RNASET2: variants seen among roughly 807,000 people sequenced by gnomAD.
RNASET2 encodes ribonuclease 6.
RNASET2 carries 28 observed loss-of-function variants against 33.9 expected under a neutral mutation model. The observed-to-expected ratio is 0.83, with a 90% CI of 0.61 to 1.13. The LOEUF (loss-of-function observed/expected upper bound fraction) is 1.13, where lower values mean the gene tolerates loss of function less well. RNASET2 is among the 50% of genes most tolerant of loss of function. The pLI, the probability that RNASET2 is intolerant of heterozygous loss-of-function variation, is 0.00. For missense variants in RNASET2, 330 were observed against 319.9 expected (o/e 1.03, Z -0.24); for synonymous variants, 123 against 121.0 (o/e 1.02, Z -0.11).
rs537395639 is a variant in RNASET2, at chr6:166,946,676, C to CAAT, written c.261+3_261+5dup. 3.6e-3 allele frequency: 5,278 copies of CAAT among 1,473,642 alleles called. 22 individuals carry two copies. Among genetic ancestry groups the CAAT allele is most frequent in the South Asian group, 7.8e-3 (660 of 85,018 alleles). The allele number at this position is 1,473,642 out of a possible 1,614,324, so 91.3% of individuals were successfully genotyped here. A position where few individuals can be genotyped will look rare whatever the true frequency, so the allele number is the denominator to read the frequency against. On this transcript the variant is annotated splice_donor_region_variant and intron_variant, in intron 4 of 8. Transcript: ENST00000508775. Reference sequence around the variant, plus strand: ...CTGCAGTAGAAATATAATTAAAAGTCAATACCTTAATCTCTTCTAAATTGA... The same window carrying CAAT: ...CTGCAGTAGAAATATAATTAAAAGTCAATAATACCTTAATCTCTTCTAAATTGA...
intron 5 of RNASET2, 108 bp from the exon 6 acceptor site, chr6:166,939,116 C>A (rs1778639262): frequency 2.5e-6 from 2 of 810,022 alleles, no homozygotes; most frequent in Admixed American, 1.8e-5. Flanking sequence ...GGTGGATCAC[C>A]TGAGATCAGG....
At chr6:166,947,346 C>CAAGA (rs1778873126) in intron 3 of RNASET2, among the ~76,000 whole-genome samples, 1 of 152,188 alleles carries the variant, frequency 6.6e-6, no homozygotes, top group South Asian at 2.1e-4. Context: ...TCAACTCTGA[C>CAAGA]TCTTGAGTGC....
rs750548880 is a variant in RNASET2, at chr6:166,922,996, G to C, written c.*6592C>G. On this transcript the variant is annotated 3_prime_UTR_variant, in exon 9 of 9. Transcript: ENST00000508775. ...TAATTCTTGCTCCCTCAAATAAAGG[G>C]AATGTAAATGCATAAGAATGCACAG... Among the ~76,000 whole-genome samples, 26 of 152,230 alleles carry C rather than the reference G, an allele frequency of 1.7e-4. No homozygotes were observed. Among genetic ancestry groups the C allele is most frequent in the Non-Finnish European group, 3.4e-4 (23 of 68,042 alleles).
chr6:166,955,057 G>A lies in RNASET2; in HGVS notation c.86+1040C>T, dbSNP rs182555845. On this transcript the variant is annotated intron_variant, in intron 1 of 8. Coordinates refer to ENST00000508775, the MANE Select transcript of RNASET2 (RefSeq NM_003730.6). ...TGTAAGTAAGAAATCCTATTAACCC[G>A]ATCATTACCCAAATAGAAAGAAATA... 1.2e-3 allele frequency among the ~76,000 whole-genome samples: 182 copies of A among 151,694 alleles called. 1 individual carries two copies. Among genetic ancestry groups the A allele is most frequent in the East Asian group, 5.2e-3 (27 of 5,186 alleles).
Position 166,922,879 on chromosome 6 carries a change from G to A in RNASET2, c.*6709C>T, listed in dbSNP as rs1001296214. On this transcript the variant is annotated 3_prime_UTR_variant, in exon 9 of 9. Transcript: ENST00000508775. The stretch of plus-strand genomic sequence containing the variant: ...GGTACCAACCACCAAAGCTGTACAC[G>A]CCAGGTTCAATGTCTTTGCTGGTAA... Among the ~76,000 whole-genome samples, 5 of 152,200 alleles carry A rather than the reference G, an allele frequency of 3.3e-5. No homozygotes were observed. The highest frequency in any genetic ancestry group is 7.3e-5 in the Non-Finnish European group (5 of 68,038).
rs1243891722 is a variant in RNASET2, at chr6:166,926,875, C to A, written c.*2713G>T. Among the ~76,000 whole-genome samples the A allele has an allele frequency of 6.6e-6, 1 of 152,254 alleles. No individual in the cohort carries two copies. The highest frequency in any genetic ancestry group is 2.4e-5 in the African/African-American group (1 of 41,466). ...CATGGTGCCGCAGAGATGCTCCAGG[C>A]AGACGCCTGCTCTGGCTGAGACCCG... is the stretch of plus-strand genomic sequence containing the variant. On this transcript the variant is annotated 3_prime_UTR_variant, in exon 9 of 9. Coordinates refer to ENST00000508775, the MANE Select transcript of RNASET2 (RefSeq NM_003730.6).
In RNASET2 at chr6:166,956,117, G is replaced by T. The variant is rs1779159283; in HGVS notation, c.66C>A (p.Gly22=). The T allele has an allele frequency of 6.4e-7, 1 of 1,552,272 alleles. No individual in the cohort carries two copies. Among genetic ancestry groups the T allele is most frequent in the Non-Finnish European group, 8.7e-7 (1 of 1,147,294 alleles). Residue 22 remains glycine, a synonymous_variant, in exon 1 of 9, where the codon GGC becomes GGA. Transcript: ENST00000508775. ...GCLCLALLCL[G]GADKRLRDNH... is the part of the protein sequence containing the mutation. ...CTCACCGCAGGCGCTTGTCCGCACC[G>T]CCCAGGCAAAGCAACGCCAGGCAGA...
chr6:166,939,340 G>T (rs1778645190), intron 5 of RNASET2, among the ~76,000 whole-genome samples: 1 of 152,060 alleles, frequency 6.6e-6, no homozygotes, highest in Non-Finnish European at 1.5e-5. Flanking sequence ...CAAAAAAAAA[G>T]TAATGAAACT....
intron 6 of RNASET2, among the ~76,000 whole-genome samples, chr6:166,936,694 T>C (rs1366368412): frequency 1.3e-5 from 2 of 152,120 alleles, no homozygotes; most frequent in Admixed American, 1.3e-4. Context: ...GAGGGATCCT[T>C]CCCCGCAGCT....
rs947799069 is a variant in RNASET2, at chr6:166,925,604, G to A, written c.*3984C>T. 6.6e-6 allele frequency among the ~76,000 whole-genome samples: 1 copy of A among 151,730 alleles called. No individual in the cohort carries two copies. The highest frequency in any genetic ancestry group is 1.5e-5 in the Non-Finnish European group (1 of 67,914). Reference sequence around the variant, plus strand: ...AGTCCTCACCTATGCCACATTGTCCGCATCTACACTGTACGGCCCTCCCCT... The same window carrying A: ...AGTCCTCACCTATGCCACATTGTCCACATCTACACTGTACGGCCCTCCCCT... On this transcript the variant is annotated 3_prime_UTR_variant, in exon 9 of 9. Coordinates refer to ENST00000508775, the MANE Select transcript of RNASET2 (RefSeq NM_003730.6).
Position 166,934,130 on chromosome 6 carries a change from A to G in RNASET2, c.453T>C (p.Leu151=), listed in dbSNP as rs1234628067. The G allele has an allele frequency of 6.3e-7, 1 of 1,597,540 alleles. No individual in the cohort carries two copies. The highest frequency in any genetic ancestry group is 1.1e-5 in the South Asian group (1 of 90,714). ...LYRELDLNSV[L]LKLGIKPSIN... ...TGGATGGTTTTATCCCCAATTTTAG[A>G]AGCACACTAAAATTTAAATTTAAAA... The change falls in exon 7 of 9, where the codon CTT becomes CTC. Residue 151 remains leucine (L), a synonymous_variant. Coordinates refer to ENST00000508775, the MANE Select transcript of RNASET2 (RefSeq NM_003730.6).
In RNASET2 at chr6:166,955,261, A is replaced by G. The variant is rs1231255094; in HGVS notation, c.86+836T>C. Reference sequence around the variant, plus strand: ...CACGCACACACACGCACACACGCACACACACACACGCGCACACACGACACA... The same window carrying G: ...CACGCACACACACGCACACACGCACGCACACACACGCGCACACACGACACA... On this transcript the variant is annotated intron_variant, in intron 1 of 8. Transcript: ENST00000508775. Among the ~76,000 whole-genome samples, 365 of 115,042 alleles carry G rather than the reference A, an allele frequency of 3.2e-3. 6 individuals carry two copies. Among genetic ancestry groups the G allele is most frequent in the African/African-American group, 0.01 (247 of 23,698 alleles). The allele number at this position is 115,042 out of a possible 152,430, so 75.5% of individuals were successfully genotyped here. A position where few individuals can be genotyped will look rare whatever the true frequency, so the allele number is the denominator to read the frequency against.
intron 7 of RNASET2, 171 bp from the exon 8 acceptor site, chr6:166,931,289 G>A (rs1342300077): frequency 6.2e-6 from 4 of 644,864 alleles, no homozygotes; most frequent in Admixed American, 4.8e-5. Context: ...CGAAGCAGAG[G>A]ATGCTGTCAA....
At chr6:166,951,831 C>G (rs1298968201) in intron 2 of RNASET2, among the ~76,000 whole-genome samples, 1 of 152,154 alleles carries the variant, frequency 6.6e-6, no homozygotes, top group African/African-American at 2.4e-5. Context: ...GGTCTCTTGC[C>G]TTGGCACCTG....
rs969415509 is a variant in RNASET2, at chr6:166,923,773, T to C, written c.*5815A>G. 1.3e-5 allele frequency among the ~76,000 whole-genome samples: 2 copies of C among 152,236 alleles called. No individual in the cohort carries two copies. The highest frequency in any genetic ancestry group is 1.9e-4 in the East Asian group (1 of 5,204). On this transcript the variant is annotated 3_prime_UTR_variant, in exon 9 of 9. Coordinates refer to ENST00000508775, the MANE Select transcript of RNASET2 (RefSeq NM_003730.6). Reference sequence around the variant, plus strand: ...AGCAATGCAATGGACTTCTTTTCTATAGACGCCCAAATACTGACTTCATAT... The same window carrying C: ...AGCAATGCAATGGACTTCTTTTCTACAGACGCCCAAATACTGACTTCATAT...
At chr6:166,931,645 G>A (rs1778444263) in intron 7 of RNASET2, 1 of 176,072 alleles carries the variant, frequency 5.7e-6, no homozygotes, top group Non-Finnish European at 1.2e-5. Flanking sequence ...ACCTCCTCTT[G>A]GATGAGGGGC....
chr6:166,935,549 C>T (rs987889551), intron 6 of RNASET2, among the ~76,000 whole-genome samples: 1 of 152,212 alleles, frequency 6.6e-6, no homozygotes, highest in Non-Finnish European at 1.5e-5. Flanking sequence ...TCTGTGGGTA[C>T]TCTAGCACGT....
In RNASET2 at chr6:166,931,058, G is replaced by A. The variant is rs752566896; in HGVS notation, c.553C>T (p.Leu185Phe). The A allele has an allele frequency of 3.7e-6, 6 of 1,611,870 alleles. No individual in the cohort carries two copies. The South Asian group carries it at 6.6e-5, about 18-fold the overall frequency. The change falls in exon 8 of 9, where the codon CTT becomes TTT. Residue 185 changes from leucine to phenylalanine, a missense_variant. Transcript: ENST00000508775. Reference sequence around the variant, plus strand: ...AACTGTCTAACCTGGCTTGGTGGAAGGCACTGGATTTTGGGTATCACTCCA... The same window carrying A: ...AACTGTCTAACCTGGCTTGGTGGAAAGCACTGGATTTTGGGTATCACTCCA... ...VYGVIPKIQC[L>F]PPSQDEEVQT...
chr6:166,945,853 G>GAA (rs1778827501), intron 4 of RNASET2, among the ~76,000 whole-genome samples: 1 of 147,964 alleles, frequency 6.8e-6, no homozygotes, highest in Non-Finnish European at 1.5e-5. Context: ...AAAAAGAAAA[G>GAA]AAAAGAAAAA....
Sources: gnomAD v4.1 joint callset for allele counts (sites outside exome capture counted in the v4.1 genomes callset) on GRCh38, gnomAD v4.1.1 for gene constraint, MANE v1.5 for transcripts, NCBI Gene and HGNC (gene_info 2026-07-23, HGNC 2026-07-21) for gene names.